SEC22A: variants seen among roughly 807,000 people sequenced by gnomAD.
SEC22A encodes vesicle-trafficking protein SEC22a.
Under a neutral mutation model 35.3 loss-of-function variants are expected in SEC22A, and 22 were observed. The ratio of observed to expected loss-of-function variants is 0.62; its 90% CI spans 0.45 to 0.89. The LOEUF is 0.89. Ranked by LOEUF, SEC22A falls within the 40% of genes least tolerant of loss-of-function variation. The probability of loss-of-function intolerance (pLI) is 0.00; values close to 1 mark genes in which losing one functional copy is unlikely to be tolerated. For missense variants in SEC22A, 354 were observed against 362.5 expected (o/e 0.98, Z 0.19); for synonymous variants, 119 against 129.5 (o/e 0.92, Z 0.55).
At chr3:123,247,178 CAA>C (rs1937573983) in intron 5 of SEC22A, among the ~76,000 whole-genome samples, 1 of 152,052 alleles carries the variant, frequency 6.6e-6, no homozygotes, top group Non-Finnish European at 1.5e-5. Context: ...AAAGAAGAAA[CAA>C]AGACAATTTG....
intron 4 of SEC22A, among the ~76,000 whole-genome samples, chr3:123,237,844 T>C (rs970380283): frequency 2.7e-5 from 4 of 149,144 alleles, no homozygotes; most frequent in African/African-American, 9.9e-5. Context: ...GAGAGTCTGG[T>C]ATTTGTTATT....
chr3:123,217,375 A>T (rs906735691), intron 2 of SEC22A, among the ~76,000 whole-genome samples: 3 of 141,776 alleles, frequency 2.1e-5, no homozygotes, highest in African/African-American at 5.2e-5. Context: ...TTTTTTTTGT[A>T]TTTTTTTATT....
intron 4 of SEC22A, among the ~76,000 whole-genome samples, chr3:123,227,757 C>T (rs1412984263): frequency 7.2e-5 from 11 of 152,024 alleles, no homozygotes; most frequent in Non-Finnish European, 5.9e-5. Context: ...CAAGACCAGC[C>T]TGGCCAAGAT....
chr3:123,219,727 T>G (rs1450445301), intron 2 of SEC22A, among the ~76,000 whole-genome samples: 2 of 152,186 alleles, frequency 1.3e-5, no homozygotes, highest in Admixed American at 6.5e-5. Flanking sequence ...TCCGCCAGAT[T>G]GTCTATAAAA....
chr3:123,241,171 A>C (rs1359767953), intron 4 of SEC22A, among the ~76,000 whole-genome samples: 5 of 152,226 alleles, frequency 3.3e-5, no homozygotes, highest in Admixed American at 3.3e-4. Context: ...AGGGAAATAC[A>C]ATCCAATAAG....
chr3:123,249,507 T>G (rs1380526349), intron 5 of SEC22A, among the ~76,000 whole-genome samples: 3 of 151,922 alleles, frequency 2.0e-5, no homozygotes, highest in Non-Finnish European at 4.4e-5. Context: ...CAGATACTGT[T>G]TTTTATCATA....
chr3:123,232,339 A>G (rs939509182), intron 4 of SEC22A, among the ~76,000 whole-genome samples: 1 of 152,226 alleles, frequency 6.6e-6, no homozygotes, highest in African/African-American at 2.4e-5. Context: ...ATTAAATTCA[A>G]TAACTTTGAT....
In SEC22A at chr3:123,273,723, G is replaced by C. The variant is rs1040144208; in HGVS notation, c.*2001G>C. ...CTCGGGAGGCTGAGGCAGGAGAATCGCTTGAACCCAGGAGGTGGAAGTTGG... is the reference window on the plus strand; with the variant it reads ...CTCGGGAGGCTGAGGCAGGAGAATCCCTTGAACCCAGGAGGTGGAAGTTGG... On this transcript the variant is annotated 3_prime_UTR_variant, in exon 7 of 7. Coordinates refer to ENST00000492595, the MANE Select transcript of SEC22A (RefSeq NM_012430.5). The C allele has an allele frequency of 6.6e-6, 1 of 152,238 alleles. No homozygotes were observed. Among genetic ancestry groups the C allele is most frequent in the African/African-American group, 2.4e-5 (1 of 41,422 alleles). 9.4% of individuals were successfully genotyped at this position (152,238 alleles called of 1,614,324 possible).
chr3:123,234,286 T>C (rs1405785136), intron 4 of SEC22A, among the ~76,000 whole-genome samples: 4 of 152,214 alleles, frequency 2.6e-5, no homozygotes, highest in Non-Finnish European at 4.4e-5. Context: ...AAAATTCATA[T>C]GGAAATGCAA....
chr3:123,237,027 C>T (rs955089265), intron 4 of SEC22A, among the ~76,000 whole-genome samples: 7 of 152,154 alleles, frequency 4.6e-5, no homozygotes, highest in Admixed American at 2.6e-4. Context: ...CGAAAACTTT[C>T]GGTCTCTAGG....
At chr3:123,237,045 G>A (rs989546714) in intron 4 of SEC22A, among the ~76,000 whole-genome samples, 2 of 152,162 alleles carry the variant, frequency 1.3e-5, no homozygotes, top group Non-Finnish European at 2.9e-5. Context: ...AGGTTTTGCA[G>A]GTCATATGGC....
At chr3:123,218,293 C>G (rs924026229) in intron 2 of SEC22A, among the ~76,000 whole-genome samples, 2 of 152,074 alleles carry the variant, frequency 1.3e-5, no homozygotes, top group African/African-American at 2.4e-5. Context: ...GGATAAATTC[C>G]TCAGGTAAAA....
intron 5 of SEC22A, among the ~76,000 whole-genome samples, chr3:123,248,726 A>T (rs946004442): frequency 6.6e-6 from 1 of 152,238 alleles, no homozygotes; most frequent in African/African-American, 2.4e-5. Flanking sequence ...ATTAACAGTG[A>T]TTCTAAAGTT....
chr3:123,238,348 C>T (rs955359048), intron 4 of SEC22A, among the ~76,000 whole-genome samples: 12 of 152,050 alleles, frequency 7.9e-5, no homozygotes, highest in African/African-American at 2.9e-4. Flanking sequence ...CAGGTGCATG[C>T]CACCATGCAT....
chr3:123,217,033 T>C (rs2108038045), intron 2 of SEC22A, among the ~76,000 whole-genome samples: 1 of 152,124 alleles, frequency 6.6e-6, no homozygotes, highest in Non-Finnish European at 1.5e-5. Flanking sequence ...CTCACTTTGT[T>C]GTCTAGGCTG....
intron 5 of SEC22A, among the ~76,000 whole-genome samples, chr3:123,255,421 G>A (rs1021649226): frequency 6.6e-6 from 1 of 151,790 alleles, no homozygotes; most frequent in Non-Finnish European, 1.5e-5. Context: ...CCCTCTTCTT[G>A]GTTACTTTCA....
At chr3:123,256,715 G>A (rs1462081975) in intron 5 of SEC22A, among the ~76,000 whole-genome samples, 2 of 150,674 alleles carry the variant, frequency 1.3e-5, no homozygotes, top group East Asian at 1.9e-4. Flanking sequence ...TAATTAGAGT[G>A]ACCTCCTTAA....
intron 2 of SEC22A, among the ~76,000 whole-genome samples, chr3:123,213,808 A>G (rs1484442010): frequency 1.3e-5 from 2 of 152,150 alleles, no homozygotes. Flanking sequence ...ATCAGTTGAT[A>G]CCTCACATTA....
At chr3:123,262,195 A>G (rs1937908552) in intron 6 of SEC22A, among the ~76,000 whole-genome samples, 1 of 152,180 alleles carries the variant, frequency 6.6e-6, no homozygotes, top group Non-Finnish European at 1.5e-5. Flanking sequence ...ATGGTTTGTC[A>G]TCTTTTTCTT....
Sources: gnomAD v4.1 joint callset for allele counts (sites outside exome capture counted in the v4.1 genomes callset) on GRCh38, gnomAD v4.1.1 for gene constraint, MANE v1.5 for transcripts, NCBI Gene and HGNC (gene_info 2026-07-23, HGNC 2026-07-21) for gene names.